The following FGD3 variants were observed in gnomAD, a reference collection of about 807,000 sequenced individuals.
The protein encoded by FGD3 is FYVE, RhoGEF and PH domain-containing protein 3.
In FGD3, 45 loss-of-function variants were observed where a neutral mutation model predicts 71.8. The ratio of observed to expected loss-of-function variants is 0.63; its 90% CI spans 0.49 to 0.80. The LOEUF (loss-of-function observed/expected upper bound fraction) is 0.80. FGD3 is among the 30% of genes least tolerant of loss of function. The pLI is 0.00. For missense variants in FGD3, 844 were observed against 951.5 expected (o/e 0.89, Z 1.49); for synonymous variants, 378 against 392.8 (o/e 0.96, Z 0.44).
At chr9:93,023,569 C>T (rs907590108) in intron 14 of FGD3, among the ~76,000 whole-genome samples, 1 of 152,040 alleles carries the variant, frequency 6.6e-6, no homozygotes, top group African/African-American at 2.4e-5. Flanking sequence ...AAAGTGGTGC[C>T]CTGGCCTCCT....
At chr9:92,966,657 G>A (rs1388521341) in intron 1 of FGD3, among the ~76,000 whole-genome samples, 2 of 152,198 alleles carry the variant, frequency 1.3e-5, no homozygotes, top group Non-Finnish European at 2.9e-5. Flanking sequence ...GTCTTCTGAG[G>A]AGCAGCGGTG....
In FGD3 at chr9:92,976,677, C is replaced by G. The variant is rs767675931; in HGVS notation, c.421C>G (p.Gln141Glu). ...GGAACCTGACTCTGAGAACACCCCC[C>G]AGAAGGCTGACAAGGATGCCGGCCT... ...GEEPDSENTP[Q>E]KADKDAGLAQ... Residue 141 changes from glutamine to glutamate, a missense_variant, in exon 3 of 18, where the codon CAG becomes GAG. Physicochemically the swap from Gln to Glu is conservative, Grantham distance 29. Transcript: ENST00000375482. 6.2e-6 allele frequency: 10 copies of G among 1,603,326 alleles called. No homozygotes were observed. The highest frequency in any genetic ancestry group is 1.1e-5 in the South Asian group (1 of 89,858).
chr9:93,004,020 C>G lies in FGD3; in HGVS notation c.563C>G (p.Thr188Arg). Residue 188 changes from threonine (T) to arginine (R), a missense_variant, in exon 5 of 18, where the codon ACG (threonine) becomes AGG (arginine). Transcript: ENST00000375482. ...LLDQVFCTRL[T>R]DAGIPPEVIM... is the part of the protein sequence containing the mutation. ...GCTCAGGTTTTCTGCACCAGGCTGA[C>G]GGATGCGGGGATCCCTCCAGAAGTC... The G allele has an allele frequency of 6.2e-7, 1 of 1,614,170 alleles. No individual in the cohort carries two copies. The highest frequency in any genetic ancestry group is 8.5e-7 in the Non-Finnish European group (1 of 1,180,034).
At chr9:92,999,421 C>G (rs1052909637) in intron 3 of FGD3, among the ~76,000 whole-genome samples, 1 of 152,038 alleles carries the variant, frequency 6.6e-6, no homozygotes, top group Non-Finnish European at 1.5e-5. Context: ...TTGTGCTTCC[C>G]GGGTGTGGCA....
intron 14 of FGD3, among the ~76,000 whole-genome samples, chr9:93,024,489 C>T (rs1862047696): frequency 6.6e-6 from 1 of 152,242 alleles, no homozygotes; most frequent in African/African-American, 2.4e-5. Context: ...CATGTCCAGC[C>T]CCGGGCCCTG....
At chr9:92,955,638 G>C (rs553375859) in intron 1 of FGD3, among the ~76,000 whole-genome samples, 16 of 152,182 alleles carry the variant, frequency 1.1e-4, no homozygotes, top group African/African-American at 3.9e-4. Flanking sequence ...AACGATATAG[G>C]ACCATATCAT....
At chr9:93,033,015 GC>G in intron 16 of FGD3, 142 bp downstream of exon 16, 1 of 838,132 alleles carries the variant, frequency 1.2e-6, no homozygotes. Context: ...TCTCAGTGGG[GC>G]CCCCAGGCTG....
chr9:92,974,102 T>TA (rs200927781), intron 1 of FGD3, among the ~76,000 whole-genome samples: 6,902 of 152,232 alleles, frequency 0.045, 227 homozygotes, highest in East Asian at 0.16. Flanking sequence ...TTGTCCATTT[T>TA]TGTTGTTGTT....
In FGD3 at chr9:93,032,757, T is replaced by G; in HGVS notation, c.1681-12T>G. ...CAGGGTGCTGGGGTCACACGTGCCC[T>G]CTGTTTGGCAGGTCATCTGTGGGAA... On this transcript the variant is annotated splice_polypyrimidine_tract_variant and intron_variant, in intron 15 of 17. Coordinates refer to ENST00000375482, the MANE Select transcript of FGD3 (RefSeq NM_001083536.2). The G allele has an allele frequency of 2.5e-6, 4 of 1,613,834 alleles. No individual in the cohort carries two copies. Among genetic ancestry groups the G allele is most frequent in the Non-Finnish European group, 3.4e-6 (4 of 1,179,712 alleles).
chr9:92,965,245 G>A (rs1482760482), intron 1 of FGD3, among the ~76,000 whole-genome samples: 1 of 152,202 alleles, frequency 6.6e-6, no homozygotes, highest in African/African-American at 2.4e-5. Flanking sequence ...ACTGTAGTTC[G>A]GGGCTGGACG....
chr9:93,028,878 C>T (rs1382565970), intron 14 of FGD3, among the ~76,000 whole-genome samples: 1 of 152,156 alleles, frequency 6.6e-6, no homozygotes, highest in African/African-American at 2.4e-5. Flanking sequence ...CCAGGCTACA[C>T]CTGCTCCAGC....
chr9:93,022,235 AGGTG>A (rs1861946338), intron 13 of FGD3, 88 bp from the exon 14 acceptor site: 1 of 1,277,312 alleles, frequency 7.8e-7, no homozygotes, highest in Admixed American at 1.9e-5. Flanking sequence ...CAATGCACAG[AGGTG>A]CTGGGGGCTT....
chr9:92,960,535 G>A (rs957130837), intron 1 of FGD3, among the ~76,000 whole-genome samples: 5 of 152,148 alleles, frequency 3.3e-5, no homozygotes, highest in Admixed American at 6.5e-5. Context: ...ACTACTAGAC[G>A]TCAGATGGAC....
intron 1 of FGD3, chr9:92,963,935 T>C (rs539479223): frequency 6.6e-6 from 1 of 152,446 alleles, no homozygotes; most frequent in Admixed American, 6.5e-5. Flanking sequence ...CACTCTGGGC[T>C]TGTCTGGTCT....
At chr9:93,009,621 C>T (rs370611759) in intron 6 of FGD3, among the ~76,000 whole-genome samples, 3 of 152,148 alleles carry the variant, frequency 2.0e-5, no homozygotes, top group East Asian at 1.9e-4. Context: ...ATTCAGCACA[C>T]GTGTCTGGGG....
chr9:93,011,125 C>G (rs891896237), intron 7 of FGD3, 89 bp from the exon 8 acceptor site: 1 of 1,309,616 alleles, frequency 7.6e-7, no homozygotes, highest in Non-Finnish European at 1.1e-6. Context: ...GACAGATCCT[C>G]TCTCTGGAGG....
chr9:93,030,476 C>G (rs1862311723), intron 15 of FGD3, among the ~76,000 whole-genome samples: 1 of 152,212 alleles, frequency 6.6e-6, no homozygotes, highest in African/African-American at 2.4e-5. Context: ...TCCCCTCACT[C>G]CAAAGCCCTT....
intron 1 of FGD3, among the ~76,000 whole-genome samples, chr9:92,953,991 T>C (rs1053941480): frequency 2.0e-5 from 3 of 152,136 alleles, no homozygotes; most frequent in African/African-American, 7.2e-5. Context: ...ACAACTTCGA[T>C]TCTTGTATTT....
chr9:93,012,153 CA>C (rs60323624), intron 8 of FGD3, among the ~76,000 whole-genome samples: 8,977 of 118,272 alleles, frequency 0.076, 254 homozygotes, highest in African/African-American at 0.087. Context: ...GACTCTGTCT[CA>C]AAAAAAAAAA....
Sources: gnomAD v4.1 joint callset for allele counts (sites outside exome capture counted in the v4.1 genomes callset) on GRCh38, gnomAD v4.1.1 for gene constraint, MANE v1.5 for transcripts, NCBI Gene and HGNC (gene_info 2026-07-23, HGNC 2026-07-21) for gene names.